The following AMN1 variants were observed in gnomAD, a reference collection of about 807,000 sequenced individuals.
AMN1 encodes protein AMN1 homolog.
In AMN1, 20 loss-of-function variants were observed where a neutral mutation model predicts 33.0. That is an observed-to-expected ratio of 0.61 (90% confidence interval 0.43 to 0.88). The LOEUF (loss-of-function observed/expected upper bound fraction) is 0.88, where lower values mean the gene tolerates loss of function less well. AMN1 is among the 40% of genes least tolerant of loss of function. AMN1 has a pLI of 0.00. For synonymous variants in AMN1, 114 were observed against 111.9 expected (o/e 1.02, Z -0.12); for missense variants, 246 against 307.4 (o/e 0.80, Z 1.49).
chr12:31,673,490 G>A (rs1187281813), intron 6 of AMN1: 3 of 222,768 alleles, frequency 1.3e-5, no homozygotes, highest in Non-Finnish European at 2.8e-5. Flanking sequence ...TATTGTAGAG[G>A]AAATCTCAAT....
Position 31,702,020 on chromosome 12 carries a change from AGTGATTTTG to A in AMN1, c.172-22_172-14del. On this transcript the variant is annotated splice_polypyrimidine_tract_variant and intron_variant, in intron 2 of 6. Transcript: ENST00000281471. ...CAGGATGTAAAATCTATAACAAATA[AGTGATTTTG>A]AAAAAATTATTTCTTTCTATAAATA... 1 of 1,567,852 alleles carries A rather than the reference AGTGATTTTG, an allele frequency of 6.4e-7. No homozygotes were observed. Among genetic ancestry groups the A allele is most frequent in the Non-Finnish European group, 8.6e-7 (1 of 1,161,700 alleles).
intron 5 of AMN1, among the ~76,000 whole-genome samples, chr12:31,693,516 C>T (rs961188874): frequency 3.3e-5 from 5 of 151,682 alleles, no homozygotes; most frequent in African/African-American, 1.2e-4. Context: ...CGTAAGCCAC[C>T]ATGTCCAGCC....
At chr12:31,688,463 A>T (rs1938362849) in intron 6 of AMN1, among the ~76,000 whole-genome samples, 1 of 152,168 alleles carries the variant, frequency 6.6e-6, no homozygotes, top group Non-Finnish European at 1.5e-5. Context: ...ATTTATCGTT[A>T]TCATGACTAA....
chr12:31,701,159 C>A (rs1402133271), intron 3 of AMN1, among the ~76,000 whole-genome samples: 1 of 152,008 alleles, frequency 6.6e-6, no homozygotes, highest in Non-Finnish European at 1.5e-5. Context: ...ACCACCACGC[C>A]TGGCTAATTT....
intron 2 of AMN1, among the ~76,000 whole-genome samples, chr12:31,703,749 A>G (rs181328139): frequency 6.6e-6 from 1 of 152,336 alleles, no homozygotes; most frequent in African/African-American, 2.4e-5. Context: ...GTGGTTGTAT[A>G]TTATTCCATT....
chr12:31,679,720 G>A (rs1937908733), intron 6 of AMN1, among the ~76,000 whole-genome samples: 1 of 152,152 alleles, frequency 6.6e-6, no homozygotes, highest in South Asian at 2.1e-4. Context: ...TGTCAAACAT[G>A]CTTAGATAAC....
chr12:31,688,582 C>T (rs60557264), intron 6 of AMN1, among the ~76,000 whole-genome samples: 9 of 151,280 alleles, frequency 5.9e-5, no homozygotes, highest in Non-Finnish European at 7.4e-5. Context: ...CCAAGGCAGG[C>T]GGATTGCCTG....
At chr12:31,715,445 G>A (rs575025321) in intron 1 of AMN1, 6 of 188,582 alleles carry the variant, frequency 3.2e-5, no homozygotes, top group Non-Finnish European at 6.9e-5. Flanking sequence ...GTAGTCATTT[G>A]CGCCTTCCTG....
At chr12:31,682,528 C>T (rs1000209549) in intron 6 of AMN1, among the ~76,000 whole-genome samples, 1 of 151,294 alleles carries the variant, frequency 6.6e-6, no homozygotes, top group Admixed American at 6.6e-5. Context: ...GGGGGGGTGT[C>T]TCTGGGTTAC....
chr12:31,706,228 C>G (rs1457066073), intron 2 of AMN1, among the ~76,000 whole-genome samples: 1 of 142,300 alleles, frequency 7.0e-6, no homozygotes, highest in Non-Finnish European at 1.5e-5. Flanking sequence ...AGGAGAATGG[C>G]GTGAACCTGG....
In AMN1 at chr12:31,687,510, C is replaced by T. The variant is rs1938315951; in HGVS notation, c.703+1497G>A. ...CTGGCCTGACCAGTATGGTGATACC[C>T]CGTCTCTACTAAAAATACAAAAATT... On this transcript the variant is annotated intron_variant, in intron 6 of 6. Transcript: ENST00000281471. The surrounding 1 kb of genome is among the most constrained non-coding windows in gnomAD (Gnocchi z 4.1). Among the ~76,000 whole-genome samples, 1 of 151,864 alleles carries T rather than the reference C, an allele frequency of 6.6e-6. No homozygotes were observed. Among genetic ancestry groups the T allele is most frequent in the Admixed American group, 6.6e-5 (1 of 15,244 alleles).
rs760164168 is a variant in AMN1 at position 31,683,154 on chromosome 12, G to A, written c.703+5853C>T. 6.6e-6 allele frequency among the ~76,000 whole-genome samples: 1 copy of A among 151,914 alleles called. No individual in the cohort carries two copies. The highest frequency in any genetic ancestry group is 2.1e-4 in the South Asian group (1 of 4,820). ...ATTTTTGTATTTTTAGTAGAGAGGG[G>A]GTTTCACCATATTGGCCAGGCTGGT... On this transcript the variant is annotated intron_variant, in intron 6 of 6. Transcript: ENST00000281471. The surrounding 1 kb of genome is among the most constrained non-coding windows in gnomAD (Gnocchi z 4.1).
At chr12:31,702,673 A>G (rs1170335142) in intron 2 of AMN1, among the ~76,000 whole-genome samples, 1 of 152,182 alleles carries the variant, frequency 6.6e-6, no homozygotes, top group Non-Finnish European at 1.5e-5. Flanking sequence ...AGTTATAAGA[A>G]TAATGATTTC....
At chr12:31,689,578 C>G (rs1242903663) in intron 5 of AMN1, among the ~76,000 whole-genome samples, 2 of 152,102 alleles carry the variant, frequency 1.3e-5, no homozygotes, top group Non-Finnish European at 2.9e-5. Flanking sequence ...CTTTGGCAAA[C>G]AGTATGGTAG....
chr12:31,695,652 A>AT (rs1778559883), intron 5 of AMN1, among the ~76,000 whole-genome samples: 1 of 151,392 alleles, frequency 6.6e-6, no homozygotes, highest in South Asian at 2.1e-4. Context: ...TGCCCAGCTA[A>AT]TTTTTTGTAT....
At chr12:31,712,708 T>C (rs1939516461) in intron 1 of AMN1, among the ~76,000 whole-genome samples, 2 of 152,124 alleles carry the variant, frequency 1.3e-5, no homozygotes, top group African/African-American at 4.8e-5. Context: ...CAGGCTGGAG[T>C]GCAGTGGCAC....
At chr12:31,718,207 G>C (rs1939749554) in intron 1 of AMN1, among the ~76,000 whole-genome samples, 1 of 151,496 alleles carries the variant, frequency 6.6e-6, no homozygotes, top group South Asian at 2.1e-4. Flanking sequence ...GATCAATTTG[G>C]CTATTGATAT....
At chr12:31,715,460 CTT>C (rs1939637143) in intron 1 of AMN1, 1 of 188,614 alleles carries the variant, frequency 5.3e-6, no homozygotes, top group South Asian at 1.1e-4. Flanking sequence ...TTCCTGTTCT[CTT>C]TGTTAGCTTC....
intron 1 of AMN1, among the ~76,000 whole-genome samples, chr12:31,710,006 G>T (rs78149641): frequency 0.016 from 2,375 of 152,142 alleles, 47 homozygotes; most frequent in Non-Finnish European, 0.021. Flanking sequence ...TTTTTCCTAA[G>T]TGTCTAATTT....
Sources: gnomAD v4.1 joint callset for allele counts (sites outside exome capture counted in the v4.1 genomes callset) on GRCh38, gnomAD v4.1.1 for gene constraint, Gnocchi (gnomAD v3.1) non-coding constraint, MANE v1.5 for transcripts, NCBI Gene and HGNC (gene_info 2026-07-23, HGNC 2026-07-21) for gene names.